The following DLGAP2 variants were observed in gnomAD, a reference collection of about 807,000 sequenced individuals.
DLGAP2 encodes the protein disks large-associated protein 2.
Under a neutral mutation model 100.3 loss-of-function variants are expected in DLGAP2, and 26 were observed. That is an observed-to-expected ratio of 0.26 (90% CI 0.19 to 0.36). The LOEUF (loss-of-function observed/expected upper bound fraction) is 0.36, where lower values mean the gene tolerates loss of function less well. Ranked by LOEUF, DLGAP2 falls within the 10% of genes least tolerant of loss-of-function variation. The pLI is 1.00. For synonymous variants in DLGAP2, 886 were observed against 630.1 expected (o/e 1.41, Z -6.08); for missense variants, 1,858 against 1,453.2 (o/e 1.28, Z -4.53).
At chr8:1,289,140 C>A (rs1361048588) in intron 3 of DLGAP2, among the ~76,000 whole-genome samples, 1 of 152,114 alleles carries the variant, frequency 6.6e-6, no homozygotes. Flanking sequence ...CTGTTTTTAG[C>A]CTGGAGAAAG....
intron 2 of DLGAP2, among the ~76,000 whole-genome samples, chr8:989,153 G>A (rs1211661792): frequency 6.6e-6 from 1 of 152,144 alleles, no homozygotes; most frequent in Non-Finnish European, 1.5e-5. Flanking sequence ...CCACCTTGCC[G>A]TGTTCCACAC....
intron 5 of DLGAP2, among the ~76,000 whole-genome samples, chr8:1,563,185 T>C (rs1584930844): frequency 2.4e-5 from 1 of 41,378 alleles, no homozygotes; most frequent in African/African-American, 9.2e-5. Context: ...GGCTGTGTGG[T>C]GTTGGGGTGT....
intron 2 of DLGAP2, among the ~76,000 whole-genome samples, chr8:1,233,359 C>G (rs1215450707): frequency 6.6e-6 from 1 of 152,196 alleles, no homozygotes; most frequent in Non-Finnish European, 1.5e-5. Flanking sequence ...TCTAAGAAGC[C>G]TTTAATTCAA....
At chr8:1,205,511 G>A (rs908010252) in intron 2 of DLGAP2, among the ~76,000 whole-genome samples, 2 of 152,180 alleles carry the variant, frequency 1.3e-5, no homozygotes, top group Non-Finnish European at 2.9e-5. Flanking sequence ...ACCCTCTGTG[G>A]CCACCGATTA....
At chr8:1,079,047 A>G (rs556052539) in intron 2 of DLGAP2, among the ~76,000 whole-genome samples, 10 of 152,334 alleles carry the variant, frequency 6.6e-5, no homozygotes, top group South Asian at 2.1e-4. Context: ...CTGTTGCTCC[A>G]TGTCCTCACC....
At chr8:861,180 T>C (rs7357355) in intron 1 of DLGAP2, among the ~76,000 whole-genome samples, 36,425 of 150,010 alleles carry the variant, frequency 0.24, 4,788 homozygotes, top group Non-Finnish European at 0.31. Context: ...AGACTTCTTT[T>C]GGACATTGTT....
chr8:1,039,536 G>A (rs866400864), intron 2 of DLGAP2, among the ~76,000 whole-genome samples: 4 of 115,884 alleles, frequency 3.5e-5, no homozygotes, highest in East Asian at 2.7e-4. Context: ...CTCGGTGTGC[G>A]TGGTCAGCTT....
chr8:1,530,791 T>C (rs1800964310), intron 4 of DLGAP2, among the ~76,000 whole-genome samples: 1 of 152,228 alleles, frequency 6.6e-6, no homozygotes, highest in Non-Finnish European at 1.5e-5. Flanking sequence ...CAACAGACAC[T>C]CAAATTGTTG....
chr8:1,050,845 C>T (rs192523500), intron 2 of DLGAP2, among the ~76,000 whole-genome samples: 1 of 152,208 alleles, frequency 6.6e-6, no homozygotes, highest in East Asian at 1.9e-4. Context: ...TTACGTGCTT[C>T]CCCATAGATT....
At chr8:1,196,771 G>A (rs538675031) in intron 2 of DLGAP2, among the ~76,000 whole-genome samples, 92 of 152,106 alleles carry the variant, frequency 6.0e-4, no homozygotes, top group Non-Finnish European at 1.1e-3. Flanking sequence ...TGGCTTGGAC[G>A]GCTGCATGTC....
chr8:1,614,183 C>A (rs1797074396), intron 6 of DLGAP2, among the ~76,000 whole-genome samples: 2 of 152,154 alleles, frequency 1.3e-5, no homozygotes, highest in African/African-American at 4.8e-5. Flanking sequence ...TCACAAACCC[C>A]ACCAGCACCT....
At chr8:1,257,874 G>A (rs892959702) in intron 2 of DLGAP2, among the ~76,000 whole-genome samples, 2 of 152,258 alleles carry the variant, frequency 1.3e-5, no homozygotes, top group East Asian at 3.8e-4. Flanking sequence ...CACTAGTTCA[G>A]GGCTGGGGGT....
chr8:1,429,990 A>G (rs1797365853), intron 3 of DLGAP2, among the ~76,000 whole-genome samples: 1 of 106,072 alleles, frequency 9.4e-6, no homozygotes, highest in Non-Finnish European at 1.9e-5. Flanking sequence ...GCAGAAGGGG[A>G]GAGATGCATA....
Position 1,548,964 on chromosome 8 carries a change from G to T in DLGAP2, c.511G>T (p.Asp171Tyr), listed in dbSNP as rs770007555. 1 of 1,598,934 alleles carries T rather than the reference G, an allele frequency of 6.3e-7. No homozygotes were observed. Among genetic ancestry groups the T allele is most frequent in the Non-Finnish European group, 8.5e-7 (1 of 1,179,442 alleles). Residue 171 changes from aspartate (D) to tyrosine (Y), a missense_variant, in exon 5 of 15, where the codon GAC (aspartate) becomes TAC (tyrosine). Physicochemically the swap from Asp to Tyr is radical, Grantham distance 160. Transcript: ENST00000637795. Reference protein sequence around the residue: ...FPRMHYSSHYDTRDDCAVAHA... With the variant: ...FPRMHYSSHYYTRDDCAVAHA... ...GCGGATGCACTACAGCTCGCACTAC[G>T]ACACGCGCGACGACTGCGCTGTGGC...
intron 2 of DLGAP2, among the ~76,000 whole-genome samples, chr8:1,101,585 C>T (rs908904829): frequency 1.3e-4 from 20 of 151,914 alleles, no homozygotes; most frequent in African/African-American, 4.1e-4. Context: ...GGAAGAGTTC[C>T]GGAGATGGTG....
intron 3 of DLGAP2, among the ~76,000 whole-genome samples, chr8:1,414,257 G>T (rs891978915): frequency 6.6e-5 from 10 of 152,238 alleles, no homozygotes; most frequent in African/African-American, 2.4e-4. Flanking sequence ...GTGGACTCTT[G>T]TGGGGTTGGC....
At chr8:994,828 G>T (rs1301444512) in intron 2 of DLGAP2, among the ~76,000 whole-genome samples, 1 of 152,166 alleles carries the variant, frequency 6.6e-6, no homozygotes, top group African/African-American at 2.4e-5. Context: ...AGCAGACGAA[G>T]AGTCATTCAG....
intron 4 of DLGAP2, among the ~76,000 whole-genome samples, chr8:1,542,945 C>T (rs1315852577): frequency 1.3e-5 from 2 of 152,188 alleles, no homozygotes; most frequent in Non-Finnish European, 2.9e-5. Flanking sequence ...GTTTTGATTT[C>T]ATTTCCCTAC....
chr8:928,247 A>T (rs1285904689), intron 2 of DLGAP2, among the ~76,000 whole-genome samples: 6 of 152,084 alleles, frequency 3.9e-5, no homozygotes, highest in African/African-American at 1.2e-4. Flanking sequence ...CCTGAGGTCG[A>T]GTTTGCGTTC....
Sources: gnomAD v4.1 joint callset for allele counts (sites outside exome capture counted in the v4.1 genomes callset) on GRCh38, gnomAD v4.1.1 for gene constraint, MANE v1.5 for transcripts, NCBI Gene and HGNC (gene_info 2026-07-23, HGNC 2026-07-21) for gene names.